The following PTPN12 variants were observed in gnomAD, a reference collection of about 807,000 sequenced individuals.
PTPN12 encodes protein tyrosine phosphatase non-receptor type 12, also known as tyrosine-protein phosphatase non-receptor type 12.
In PTPN12, 29 loss-of-function variants were observed where a neutral mutation model predicts 97.6. The ratio of observed to expected loss-of-function variants is 0.30; its 90% CI spans 0.22 to 0.41. The LOEUF (loss-of-function observed/expected upper bound fraction) is 0.41. PTPN12 is among the 10% of genes least tolerant of loss of function. The probability of loss-of-function intolerance (pLI) is 1.00; values close to 1 mark genes in which losing one functional copy is unlikely to be tolerated. For missense variants in PTPN12, 819 were observed against 926.0 expected (o/e 0.88, Z 1.50); for synonymous variants, 327 against 300.4 (o/e 1.09, Z -0.91).
rs1195378104 is a variant in PTPN12 at position 77,607,230 on chromosome 7, C to T, written c.696-5C>T. On this transcript the variant is annotated splice_polypyrimidine_tract_variant and splice_region_variant and intron_variant, in intron 8 of 17. Transcript: ENST00000248594. ...TCAATTGTTTTTCAAACTTTATATCCTTAGTGCAGGCTGTGGAAGAACAGG... is the reference window on the plus strand; with the variant it reads ...TCAATTGTTTTTCAAACTTTATATCTTTAGTGCAGGCTGTGGAAGAACAGG... The T allele has an allele frequency of 1.9e-6, 3 of 1,590,466 alleles. No homozygotes were observed. Among genetic ancestry groups the T allele is most frequent in the East Asian group, 2.3e-5 (1 of 44,122 alleles).
At chr7:77,576,844 AG>A (rs1324338931) in intron 2 of PTPN12, among the ~76,000 whole-genome samples, 2 of 152,210 alleles carry the variant, frequency 1.3e-5, no homozygotes, top group African/African-American at 4.8e-5. Flanking sequence ...ACAGGAGCTA[AG>A]GGTGCCACTT....
chr7:77,607,388 A>T, intron 9 of PTPN12, 87 bp downstream of exon 9: 1 of 965,646 alleles, frequency 1.0e-6, no homozygotes, highest in Non-Finnish European at 1.6e-6. Flanking sequence ...TATAGTGTAT[A>T]TTTTATTATA....
intron 13 of PTPN12, among the ~76,000 whole-genome samples, chr7:77,628,387 A>G (rs1168024748): frequency 1.3e-5 from 2 of 152,222 alleles, no homozygotes; most frequent in African/African-American, 4.8e-5. Flanking sequence ...GAAAGTAATG[A>G]TGGCTACCAT....
At chr7:77,625,472 G>GCTCGCGCGCGCTCTCTCTCTCT in intron 12 of PTPN12, among the ~76,000 whole-genome samples, 396 of 33,526 alleles carry the variant, frequency 0.012, 78 homozygotes, top group South Asian at 0.017. Flanking sequence ...CAGGCTGCTC[G>GCTCGCGCGCGCTCTCTCTCTCT]CTCTCTCTCT....
chr7:77,537,765 C>T (rs1164517908), intron 1 of PTPN12, 120 bp downstream of exon 1: 1 of 1,117,550 alleles, frequency 8.9e-7, no homozygotes, highest in Non-Finnish European at 1.2e-6. Flanking sequence ...AGGGGGCGCG[C>T]ACCAGCCGGG....
chr7:77,604,163 C>T (rs1348342523), intron 8 of PTPN12, among the ~76,000 whole-genome samples: 2 of 147,184 alleles, frequency 1.4e-5, no homozygotes, highest in African/African-American at 5.0e-5. Context: ...GCTGGGATTA[C>T]AGGTGTGAGC....
intron 11 of PTPN12, among the ~76,000 whole-genome samples, chr7:77,614,185 ATTG>A (rs752033635): frequency 4.6e-5 from 7 of 152,262 alleles, no homozygotes; most frequent in Non-Finnish European, 8.8e-5. Flanking sequence ...GTGCCCAGCT[ATTG>A]TTGTATTTTT....
intron 1 of PTPN12, chr7:77,563,992 C>A: frequency 2.4e-6 from 1 of 412,558 alleles, no homozygotes; most frequent in South Asian, 1.7e-5. Flanking sequence ...TCACTGCAAC[C>A]TCAGCCTCCT....
chr7:77,613,167 GTTTTTTT>G (rs576216122), intron 11 of PTPN12, among the ~76,000 whole-genome samples: 1 of 88,534 alleles, frequency 1.1e-5, no homozygotes, highest in Non-Finnish European at 2.0e-5. Context: ...TAATTTTTGG[GTTTTTTT>G]TTTTTTTTTT....
Position 77,573,334 on chromosome 7 carries a change from T to C in PTPN12, c.208+2148T>C, listed in dbSNP as rs372785084. On this transcript the variant is annotated intron_variant, in intron 2 of 17. Transcript: ENST00000248594. ...ATTCTAGAGACTGGGAAGTCCAAGA[T>C]GAAGGCACCAGCAGATATGCTGTCT... 3.3e-5 allele frequency among the ~76,000 whole-genome samples: 5 copies of C among 152,288 alleles called. No individual in the cohort carries two copies. The East Asian group carries it at 9.6e-4, about 29-fold the overall frequency.
rs547914039 is a variant in PTPN12 at position 77,543,332 on chromosome 7, C to G, written c.99+5687C>G. On this transcript the variant is annotated intron_variant, in intron 1 of 17. Transcript: ENST00000248594. Reference sequence around the variant, plus strand: ...GAAGATTGGTTGAAGGAGAGTGTGCCCCTTCCACTGCCTTTTTTTTTTTTT... The same window carrying G: ...GAAGATTGGTTGAAGGAGAGTGTGCGCCTTCCACTGCCTTTTTTTTTTTTT... Among the ~76,000 whole-genome samples the G allele has an allele frequency of 1.1e-4, 15 of 132,222 alleles. No individual in the cohort carries two copies. In the South Asian group the frequency reaches 3.8e-3, roughly 34 times the overall value. 86.7% of individuals were successfully genotyped at this position (132,222 alleles called of 152,430 possible). A position where few individuals can be genotyped will look rare whatever the true frequency, so the allele number is the denominator to read the frequency against.
chr7:77,573,831 G>A (rs758108309), intron 2 of PTPN12, among the ~76,000 whole-genome samples: 10 of 152,248 alleles, frequency 6.6e-5, no homozygotes, highest in South Asian at 2.1e-4. Context: ...TGCGATCTCC[G>A]CACACTATAA....
At chr7:77,639,060 C>T (rs1036635468) in intron 17 of PTPN12, 159 bp from the exon 18 acceptor site, 4 of 667,982 alleles carry the variant, frequency 6.0e-6, no homozygotes, top group Non-Finnish European at 7.0e-6. Flanking sequence ...AATAAATTTA[C>T]AATTGTTTTG....
At chr7:77,560,547 A>G (rs1807950690) in intron 1 of PTPN12, among the ~76,000 whole-genome samples, 1 of 151,998 alleles carries the variant, frequency 6.6e-6, no homozygotes, top group Non-Finnish European at 1.5e-5. Flanking sequence ...TTTATTCCAA[A>G]CTCATTCTCC....
At chr7:77,626,265 A>G (rs1352973631) in intron 12 of PTPN12, among the ~76,000 whole-genome samples, 1 of 152,234 alleles carries the variant, frequency 6.6e-6, no homozygotes, top group Non-Finnish European at 1.5e-5. Flanking sequence ...TGGGAATACT[A>G]TCTGCAGTCA....
At chr7:77,548,886 A>G (rs1001112085) in intron 1 of PTPN12, among the ~76,000 whole-genome samples, 1 of 152,104 alleles carries the variant, frequency 6.6e-6, no homozygotes, top group African/African-American at 2.4e-5. Flanking sequence ...TCAAGTTTCC[A>G]TGTCTCTGGG....
chr7:77,566,128 C>T (rs1186860151), intron 1 of PTPN12, among the ~76,000 whole-genome samples: 1 of 152,170 alleles, frequency 6.6e-6, no homozygotes, highest in African/African-American at 2.4e-5. Flanking sequence ...CCAGTAAGAG[C>T]AAAAATTGTG....
At chr7:77,571,284 G>C (rs1203170874) in intron 2 of PTPN12, 98 bp downstream of exon 2, 1 of 692,160 alleles carries the variant, frequency 1.4e-6, no homozygotes, top group Non-Finnish European at 2.4e-6. Context: ...TGTTAAGGAA[G>C]TAGTAATTAA....
intron 1 of PTPN12, among the ~76,000 whole-genome samples, chr7:77,547,726 A>T (rs373474958): frequency 1.3e-5 from 2 of 152,384 alleles, no homozygotes; most frequent in South Asian, 4.1e-4. Flanking sequence ...TGAATAGATC[A>T]TGGACAGTTT....
Sources: allele counts gnomAD v4.1 joint callset (sites outside exome capture counted in the v4.1 genomes callset), GRCh38; gene constraint gnomAD v4.1.1; transcripts MANE v1.5; gene names NCBI Gene and HGNC (gene_info 2026-07-23, HGNC 2026-07-21).